The following OSBP2 variants were observed in gnomAD, a reference collection of about 807,000 sequenced individuals.
The protein encoded by OSBP2 is oxysterol binding protein 2, also known as oxysterol-binding protein 2.
In OSBP2, 66 loss-of-function variants were observed where a neutral mutation model predicts 96.0. That is an observed-to-expected ratio of 0.69 (90% CI 0.56 to 0.84). OSBP2 has a LOEUF of 0.84. Among genes scored for constraint, OSBP2 ranks in the 40% least tolerant of loss-of-function variants. OSBP2 has a pLI of 0.00. For missense variants in OSBP2, 1,038 were observed against 1,222.7 expected (o/e 0.85, Z 2.25); for synonymous variants, 525 against 520.9 (o/e 1.01, Z -0.11).
rs1040206126 is a variant in OSBP2, at chr22:30,881,476, G to T, written c.1108-5950G>T. ...CGGGTAGGGGGCTTCAGGTCAGCCCGTCTCTCCTCCTGCTCACAGCTGAGC... is the reference window on the plus strand; with the variant it reads ...CGGGTAGGGGGCTTCAGGTCAGCCCTTCTCTCCTCCTGCTCACAGCTGAGC... On this transcript the variant is annotated intron_variant, in intron 3 of 13. Transcript: ENST00000332585. This position sits in a 1 kb window ranked among gnomAD's most constrained non-coding sequence, Gnocchi z 4.5. 6.6e-6 allele frequency among the ~76,000 whole-genome samples: 1 copy of T among 152,134 alleles called. No individual in the cohort carries two copies. Among genetic ancestry groups the T allele is most frequent in the Non-Finnish European group, 1.5e-5 (1 of 68,012 alleles).
At chr22:30,811,673 G>A (rs2091008297) in intron 2 of OSBP2, among the ~76,000 whole-genome samples, 1 of 151,854 alleles carries the variant, frequency 6.6e-6, no homozygotes, top group Non-Finnish European at 1.5e-5. Context: ...TCCTGCCTCA[G>A]CCTCCCAAGT....
At chr22:30,730,808 A>ATATATTATT (rs1491303061) in intron 1 of OSBP2, among the ~76,000 whole-genome samples, 1 of 39,342 alleles carries the variant, frequency 2.5e-5, no homozygotes, top group Non-Finnish European at 4.4e-5. Context: ...ATATATATAT[A>ATATATTATT]ATTTTTTTTT....
intron 12 of OSBP2, among the ~76,000 whole-genome samples, chr22:30,898,779 T>G (rs12168307): frequency 0.34 from 52,265 of 151,584 alleles, 9,875 homozygotes; most frequent in East Asian, 0.55. Context: ...ATCCCAGCAC[T>G]TTGGAAGGCT....
At chr22:30,693,916 G>T, upstream of OSBP2, 1 of 702,918 alleles carries the variant, frequency 1.4e-6, no homozygotes, top group Non-Finnish European at 2.3e-6. Context: ...AGTGAACCAA[G>T]ATCACGCCAC....
intron 1 of OSBP2, among the ~76,000 whole-genome samples, chr22:30,732,253 G>T (rs1468850817): frequency 2.0e-5 from 3 of 152,234 alleles, no homozygotes; most frequent in South Asian, 4.2e-4. Flanking sequence ...GCAGAAAGCC[G>T]AGATAGCGCC....
chr22:30,709,029 G>A (rs1255376857), intron 1 of OSBP2, among the ~76,000 whole-genome samples: 2 of 151,988 alleles, frequency 1.3e-5, no homozygotes, highest in East Asian at 3.9e-4. Context: ...GAACCCAAGA[G>A]GTGGAGGTTG....
chr22:30,760,914 G>C (rs2090198154), intron 2 of OSBP2, among the ~76,000 whole-genome samples: 1 of 151,942 alleles, frequency 6.6e-6, no homozygotes, highest in Non-Finnish European at 1.5e-5. Context: ...ACAGAAAAAG[G>C]CATTTGACAA....
intron 1 of OSBP2, among the ~76,000 whole-genome samples, chr22:30,730,810 T>TATTA (rs1491091512): frequency 5.5e-5 from 3 of 54,782 alleles, no homozygotes; most frequent in Non-Finnish European, 1.0e-4. Context: ...ATATATATAA[T>TATTA]TTTTTTTTTT....
intron 2 of OSBP2, among the ~76,000 whole-genome samples, chr22:30,837,378 G>A (rs73402291): frequency 0.042 from 6,369 of 152,206 alleles, 458 homozygotes; most frequent in African/African-American, 0.15. Context: ...TGATGCAGAA[G>A]CATGGAAAAC....
At chr22:30,700,333 G>C (rs1023101605) in intron 1 of OSBP2, among the ~76,000 whole-genome samples, 6 of 151,934 alleles carry the variant, frequency 3.9e-5, no homozygotes, top group Non-Finnish European at 7.4e-5. Flanking sequence ...CTAACAAGGA[G>C]AATATAGGAA....
At chr22:30,901,721 C>A (rs1282644945) in intron 12 of OSBP2, among the ~76,000 whole-genome samples, 2 of 152,032 alleles carry the variant, frequency 1.3e-5, no homozygotes, top group East Asian at 3.9e-4. Context: ...AAAAATTAGC[C>A]AGGCGTGGTG....
intron 2 of OSBP2, among the ~76,000 whole-genome samples, chr22:30,789,695 G>C (rs1160340733): frequency 6.6e-6 from 1 of 152,178 alleles, no homozygotes; most frequent in Non-Finnish European, 1.5e-5. Context: ...GGAAGAAAAT[G>C]GTTTAGCTGG....
chr22:30,695,638 A>G (rs1602133801), intron 1 of OSBP2, 85 bp downstream of exon 1: 1 of 1,531,314 alleles, frequency 6.5e-7, no homozygotes, highest in East Asian at 2.3e-5. Context: ...TGGTTGGCGG[A>G]CACTGCCACT....
Position 30,871,230 on chromosome 22 carries a change from G to C in OSBP2, c.1107+548G>C, listed in dbSNP as rs2039452625. Among the ~76,000 whole-genome samples, 1 of 152,136 alleles carries C rather than the reference G, an allele frequency of 6.6e-6. No homozygotes were observed. The highest frequency in any genetic ancestry group is 1.5e-5 in the Non-Finnish European group (1 of 68,020). Reference sequence around the variant, plus strand: ...ATGGTAGACAAAGCAGGTAACCGCAGTTGTAAACTAAGCAGCCCCGCCACA... The same window carrying C: ...ATGGTAGACAAAGCAGGTAACCGCACTTGTAAACTAAGCAGCCCCGCCACA... On this transcript the variant is annotated intron_variant, in intron 3 of 13. Transcript: ENST00000332585. This position sits in a 1 kb window ranked among gnomAD's most constrained non-coding sequence, Gnocchi z 4.7.
intron 3 of OSBP2, among the ~76,000 whole-genome samples, chr22:30,872,150 C>A (rs1247380219): frequency 6.6e-6 from 1 of 152,208 alleles, no homozygotes; most frequent in East Asian, 1.9e-4. Flanking sequence ...GCGTGTTGGC[C>A]CCATTGTCAC....
At chr22:30,817,729 T>C (rs1054603928) in intron 2 of OSBP2, among the ~76,000 whole-genome samples, 1 of 152,194 alleles carries the variant, frequency 6.6e-6, no homozygotes, top group Non-Finnish European at 1.5e-5. Flanking sequence ...CTAGACCACA[T>C]TGGAGGCTGA....
In OSBP2 at chr22:30,870,449, G is replaced by A. The variant is rs769266395; in HGVS notation, c.874G>A (p.Glu292Lys). Residue 292 changes from glutamate to lysine, a missense_variant, in exon 3 of 14, where the codon GAG (glutamate) becomes AAG (lysine). Around this residue, in one of 3 missense-constraint regions of OSBP2, gnomAD observed 737 missense variants for 913.3 expected, o/e 0.81. Transcript: ENST00000332585. This position sits in a 1 kb window ranked among gnomAD's most constrained non-coding sequence, Gnocchi z 4.1. ...THSDDSGDDD[E>K]ATTPADKSEL... ...CACAGATGACTCTGGGGACGACGAC[G>A]AGGCTACCACCCCAGCCGACAAGAG... is the stretch of plus-strand genomic sequence containing the variant. The A allele has an allele frequency of 8.1e-6, 13 of 1,613,774 alleles. No homozygotes were observed. The highest frequency in any genetic ancestry group is 6.7e-5 in the East Asian group (3 of 44,900).
chr22:30,906,384 A>T lies in OSBP2; in HGVS notation c.*45A>T, dbSNP rs2040338612. On this transcript the variant is annotated 3_prime_UTR_variant, in exon 14 of 14. Coordinates refer to ENST00000332585, the MANE Select transcript of OSBP2 (RefSeq NM_030758.4). ...TACAGGCGCCTGCACAGCCTGGCCC[A>T]CCTGTTCATTAATGCACTCAATTTA... 1 of 1,542,954 alleles carries T rather than the reference A, an allele frequency of 6.5e-7. No individual in the cohort carries two copies. Among genetic ancestry groups the T allele is most frequent in the African/African-American group, 1.4e-5 (1 of 72,308 alleles).
intron 2 of OSBP2, among the ~76,000 whole-genome samples, chr22:30,865,442 T>TA (rs1292113384): frequency 5.9e-5 from 9 of 151,926 alleles, no homozygotes; most frequent in Non-Finnish European, 2.9e-5. Context: ...CTGGCCAACA[T>TA]AGTGAAACCC....
Sources: gnomAD v4.1 joint callset for allele counts (sites outside exome capture counted in the v4.1 genomes callset) on GRCh38, gnomAD v4.1.1 for gene constraint, gnomAD v4.1.1 regional missense constraint, Gnocchi (gnomAD v3.1) non-coding constraint, MANE v1.5 for transcripts, NCBI Gene and HGNC (gene_info 2026-07-23, HGNC 2026-07-21) for gene names.